Variants in NHS observed in about 807,000 individuals in gnomAD.
NHS encodes NHS actin remodeling regulator.
A neutral mutation model predicts 72.5 loss-of-function variants in NHS; 5 were observed. That is an observed-to-expected ratio of 0.07 (90% CI 0.04 to 0.14). The LOEUF (loss-of-function observed/expected upper bound fraction) is 0.14, where lower values mean the gene tolerates loss of function less well. Ranked by LOEUF, NHS falls within the 10% of genes least tolerant of loss-of-function variation. The pLI is 1.00. For synonymous variants in NHS, 464 were observed against 547.7 expected, an observed-to-expected ratio of 0.85 and a Z score of 2.13; for missense variants, 1,072 against 1,355.7, an observed-to-expected ratio of 0.79 and a Z score of 3.29.
intron 1 of NHS, among the ~76,000 whole-genome samples, chrX:17,577,958 T>C (rs1350582160): frequency 8.9e-6 from 1 of 112,390 alleles, no homozygotes; most frequent in Admixed American, 9.4e-5. Context: ...ATAGAACATA[T>C]ATGCCCTGAT....
chrX:17,445,263 C>T (rs1305476438), intron 1 of NHS, among the ~76,000 whole-genome samples: 3 of 111,598 alleles, frequency 2.7e-5, no homozygotes, highest in African/African-American at 9.8e-5. Flanking sequence ...TCTCCTAGGT[C>T]CTTCCCCCTA....
intron 1 of NHS, among the ~76,000 whole-genome samples, chrX:17,408,894 A>G (rs2064542523): frequency 9.0e-6 from 1 of 111,231 alleles, no homozygotes; most frequent in Non-Finnish European, 1.9e-5. Flanking sequence ...CTTGTAGATA[A>G]CTGCGTTCTT....
intron 1 of NHS, among the ~76,000 whole-genome samples, chrX:17,452,872 A>G (rs1455324234): frequency 8.9e-6 from 1 of 111,887 alleles, no homozygotes; most frequent in Non-Finnish European, 1.9e-5. Context: ...TAGGTTGGGC[A>G]GTTTATCCAG....
At chrX:17,513,367 T>G (rs147104280) in intron 1 of NHS, among the ~76,000 whole-genome samples, 2,171 of 112,273 alleles carry the variant, frequency 0.019, 18 homozygotes, top group Non-Finnish European at 0.03. Context: ...ATCAAGCAAC[T>G]TATACACCAC....
intron 1 of NHS, among the ~76,000 whole-genome samples, chrX:17,570,304 A>G (rs540547822): frequency 5.8e-4 from 65 of 112,569 alleles, no homozygotes; most frequent in African/African-American, 1.9e-3. Flanking sequence ...ATCCATGAGC[A>G]TGAAATGTTT....
chrX:17,572,283 A>T (rs1056661163), intron 1 of NHS, among the ~76,000 whole-genome samples: 6 of 109,864 alleles, frequency 5.5e-5, no homozygotes, highest in Admixed American at 2.0e-4. Flanking sequence ...GTCTCCCATT[A>T]TTATTGTGTG....
chrX:17,682,632 G>A (rs1300544592), intron 1 of NHS, among the ~76,000 whole-genome samples: 2 of 111,765 alleles, frequency 1.8e-5, no homozygotes, highest in African/African-American at 6.5e-5. Context: ...ACATGTAGCA[G>A]TCAAACTTTG....
intron 1 of NHS, among the ~76,000 whole-genome samples, chrX:17,629,262 G>A: frequency 8.9e-6 from 1 of 112,408 alleles, no homozygotes; most frequent in Middle Eastern, 4.6e-3. Flanking sequence ...CCAGACTTCA[G>A]TTGGAAGTAT....
chrX:17,561,265 G>A (rs771569461), intron 1 of NHS, among the ~76,000 whole-genome samples: 1 of 111,908 alleles, frequency 8.9e-6, no homozygotes, highest in Non-Finnish European at 1.9e-5. Flanking sequence ...AGTATCTGTG[G>A]TGATGGAACA....
At chrX:17,552,039 C>G (rs1335606688) in intron 1 of NHS, among the ~76,000 whole-genome samples, 1 of 111,569 alleles carries the variant, frequency 9.0e-6, no homozygotes, top group Non-Finnish European at 1.9e-5. Flanking sequence ...GGGAGGAAAC[C>G]GAGGCTCAGA....
At chrX:17,566,113 G>C (rs2065442098) in intron 1 of NHS, among the ~76,000 whole-genome samples, 2 of 109,419 alleles carry the variant, frequency 1.8e-5, no homozygotes. Flanking sequence ...CTGAATAGCT[G>C]GGACTACAGG....
intron 3 of NHS, among the ~76,000 whole-genome samples, chrX:17,695,846 G>A (rs1427188924): frequency 1.9e-5 from 2 of 106,429 alleles, no homozygotes; most frequent in Non-Finnish European, 3.9e-5. Context: ...AAAATTCAAG[G>A]AGTATCTCTA....
chrX:17,725,833 T>C lies in NHS; in HGVS notation c.1727T>C (p.Leu576Ser). ...CATCTTCACAGCCCCCAGCACAAAT[T>C]AAGTGAGAGGGGAAGGTCACGTCTG... ...SQHLHSPQHKLSERGRSRLSR... is the reference protein window; with the variant it reads ...SQHLHSPQHKSSERGRSRLSR... Residue 576 changes from leucine to serine, a missense_variant, in exon 7 of 9, where the codon TTA (leucine) becomes TCA (serine). Coordinates refer to ENST00000676302, the MANE Select transcript of NHS (RefSeq NM_001291867.2). The C allele has an allele frequency of 8.3e-7, 1 of 1,211,052 alleles. No individual in the cohort carries two copies. The highest frequency in any genetic ancestry group is 1.1e-6 in the Non-Finnish European group (1 of 895,360).
rs1438753850 is a variant in NHS, at chrX:17,727,425, C to T, written c.3319C>T (p.Pro1107Ser). The T allele has an allele frequency of 1.7e-6, 2 of 1,211,629 alleles. No homozygotes were observed. The highest frequency in any genetic ancestry group is 3.5e-5 in the South Asian group (2 of 56,982). Residue 1107 changes from proline to serine, a missense_variant, in exon 7 of 9, where the codon CCA (proline) becomes TCA (serine). Physicochemically the swap from Pro to Ser is moderately conservative, Grantham distance 74. Coordinates refer to ENST00000676302, the MANE Select transcript of NHS (RefSeq NM_001291867.2). Reference sequence around the variant, plus strand: ...GAACAAACCATTCCACCACCGTCATCCACTGCATGTTTTTACTCATAATAA... The same window carrying T: ...GAACAAACCATTCCACCACCGTCATTCACTGCATGTTTTTACTCATAATAA... ...VLNKPFHHRH[P>S]LHVFTHNKQN...
intron 1 of NHS, among the ~76,000 whole-genome samples, chrX:17,477,400 G>A (rs2064925458): frequency 8.9e-6 from 1 of 112,173 alleles, no homozygotes; most frequent in South Asian, 3.7e-4. Flanking sequence ...GGTCAGAGCT[G>A]CATGGGTAAG....
At position 17,432,220 on chromosome X, in the gene NHS, G is replaced by T. The variant is rs2064697531; in HGVS notation, c.565+55898G>T. Reference sequence around the variant, plus strand: ...ATGTGGTTGTTGGGAGGATTAAATAGGTTGACAAATGTAATATATTAGAAA... The same window carrying T: ...ATGTGGTTGTTGGGAGGATTAAATATGTTGACAAATGTAATATATTAGAAA... On this transcript the variant is annotated intron_variant, in intron 1 of 8. Coordinates refer to ENST00000676302, the MANE Select transcript of NHS (RefSeq NM_001291867.2). Among the ~76,000 whole-genome samples, 4 of 112,299 alleles carry T rather than the reference G, an allele frequency of 3.6e-5. No homozygotes were observed. The South Asian group carries it at 1.5e-3, about 41-fold the overall frequency.
chrX:17,533,270 T>G (rs1331387401), intron 1 of NHS, among the ~76,000 whole-genome samples: 2 of 111,613 alleles, frequency 1.8e-5, no homozygotes, highest in Non-Finnish European at 3.8e-5. Context: ...AACCTTTTTT[T>G]GTAAGGTTGC....
At chrX:17,482,006 T>C (rs1176740475) in intron 1 of NHS, among the ~76,000 whole-genome samples, 1 of 112,518 alleles carries the variant, frequency 8.9e-6, no homozygotes, top group African/African-American at 3.2e-5. Flanking sequence ...ATGTAGGCTT[T>C]GGAGCTTCAC....
At chrX:17,463,535 A>G (rs752887568) in intron 1 of NHS, among the ~76,000 whole-genome samples, 1 of 111,510 alleles carries the variant, frequency 9.0e-6, no homozygotes, top group Non-Finnish European at 1.9e-5. Context: ...GAAAGGCCAG[A>G]TAAATAGGAT....
Sources: allele counts gnomAD v4.1 joint callset (sites outside exome capture counted in the v4.1 genomes callset), GRCh38; gene constraint gnomAD v4.1.1; transcripts MANE v1.5; gene names NCBI Gene and HGNC (gene_info 2026-07-23, HGNC 2026-07-21).